Variants in VIPR1 observed in about 807,000 individuals in gnomAD.
The protein encoded by VIPR1 is vasoactive intestinal polypeptide receptor 1.
VIPR1 carries 59 observed loss-of-function variants against 58.8 expected under a neutral mutation model. That is an observed-to-expected ratio of 1.00 (90% CI 0.81 to 1.25). The LOEUF (loss-of-function observed/expected upper bound fraction) is 1.25, where lower values mean the gene tolerates loss of function less well. VIPR1 is among the 50% of genes most tolerant of loss of function. VIPR1 has a pLI of 0.00. For missense variants in VIPR1, 626 were observed against 602.7 expected, an observed-to-expected ratio of 1.04 and a Z score of -0.40; for synonymous variants, 251 against 242.1, an observed-to-expected ratio of 1.04 and a Z score of -0.34.
intron 2 of VIPR1, among the ~76,000 whole-genome samples, chr3:42,517,573 C>T (rs1397264254): frequency 6.6e-6 from 1 of 152,200 alleles, no homozygotes; most frequent in African/African-American, 2.4e-5. Context: ...AAGGCTGTGG[C>T]GGAGAATGCA....
Position 42,519,224 on chromosome 3 carries a change from C to T in VIPR1, c.186C>T (p.Gly62=). The change falls in exon 3 of 13, where the codon GGC becomes GGT. Residue 62 remains glycine (G), a splice_region_variant and synonymous_variant. Transcript: ENST00000325123. ...GTGTCTTCTGCCTTACCCCCATAGG[C>T]TGCAGCAAGATGTGGGACAACCTCA... ...EEAQLENETI[G]CSKMWDNLTC... is the part of the protein sequence containing the mutation. 1 of 1,607,002 alleles carries T rather than the reference C, an allele frequency of 6.2e-7. No individual in the cohort carries two copies. Among genetic ancestry groups the T allele is most frequent in the Non-Finnish European group, 8.5e-7 (1 of 1,176,826 alleles).
chr3:42,502,823 C>A lies in VIPR1; in HGVS notation c.78+10C>A. ...GGCCCTTGGGCCGGCGGTGAGTGTT[C>A]GCCCGGCCGCCCAGAGTCCCGGCAG... On this transcript the variant is annotated intron_variant, in intron 1 of 12. Transcript: ENST00000325123. 1 of 1,253,828 alleles carries A rather than the reference C, an allele frequency of 8.0e-7. No homozygotes were observed. Among genetic ancestry groups the A allele is most frequent in the South Asian group, 3.1e-5 (1 of 32,732 alleles). The allele number at this position is 1,253,828 out of a possible 1,614,324, so 77.7% of individuals were successfully genotyped here.
intron 1 of VIPR1, among the ~76,000 whole-genome samples, chr3:42,505,302 C>A (rs537830760): frequency 6.6e-6 from 1 of 152,356 alleles, no homozygotes; most frequent in East Asian, 1.9e-4. Context: ...CATAAAACAG[C>A]CTCTGTTGAC....
At chr3:42,528,145 C>T (rs779058881) in intron 6 of VIPR1, 22 bp downstream of exon 6, 2 of 1,610,104 alleles carry the variant, frequency 1.2e-6, no homozygotes, top group Admixed American at 1.7e-5. Flanking sequence ...GGCCCTGGCC[C>T]ACCTCCCTCA....
At chr3:42,492,202 T>A (rs1175016783) in intron 1 of VIPR1, 1 of 151,066 alleles carries the variant, frequency 6.6e-6, no homozygotes, top group African/African-American at 2.4e-5. Flanking sequence ...TCCTTCCTCA[T>A]CCCTCCTCCC....
chr3:42,512,543 C>T (rs1410655176), intron 1 of VIPR1, among the ~76,000 whole-genome samples: 1 of 152,132 alleles, frequency 6.6e-6, no homozygotes, highest in Non-Finnish European at 1.5e-5. Context: ...ATGTTCTTCC[C>T]ACGGACCCAC....
intron 10 of VIPR1, chr3:42,532,626 C>T (rs554531816): frequency 3.8e-6 from 2 of 522,332 alleles, no homozygotes; most frequent in African/African-American, 1.9e-5. Flanking sequence ...ACACCGATGA[C>T]CTGTGTCTTG....
intron 3 of VIPR1, among the ~76,000 whole-genome samples, chr3:42,524,930 G>A (rs1701145968): frequency 1.3e-5 from 2 of 152,150 alleles, no homozygotes; most frequent in Admixed American, 6.5e-5. Flanking sequence ...AAATTAAACA[G>A]GATGTGCCTA....
intron 3 of VIPR1, among the ~76,000 whole-genome samples, chr3:42,524,106 C>G (rs545438416): frequency 1.8e-4 from 28 of 152,244 alleles, no homozygotes; most frequent in Non-Finnish European, 4.0e-4. Flanking sequence ...TGAGCCACCG[C>G]ACCCAGCCCT....
Position 42,526,017 on chromosome 3 carries a change from T to A in VIPR1, c.399+24T>A, listed in dbSNP as rs780311390. The A allele has an allele frequency of 2.5e-6, 4 of 1,596,240 alleles. No individual in the cohort carries two copies. In the African/African-American group the frequency reaches 5.4e-5, roughly 21 times the overall value. On this transcript the variant is annotated intron_variant, in intron 4 of 12. Transcript: ENST00000325123. ...AGGTGGGTCTCAGGGCACCCCCACC[T>A]CACCTGCAGAGCGCCGGGGCCCACC...
At chr3:42,524,421 G>T (rs934568407) in intron 3 of VIPR1, among the ~76,000 whole-genome samples, 1 of 152,168 alleles carries the variant, frequency 6.6e-6, no homozygotes, top group Non-Finnish European at 1.5e-5. Flanking sequence ...CAGGAAACTG[G>T]CCCAGTCCAA....
chr3:42,522,105 T>A (rs58440634), intron 3 of VIPR1, among the ~76,000 whole-genome samples: 470 of 24,098 alleles, frequency 0.02, no homozygotes, highest in African/African-American at 0.061. Flanking sequence ...ATATATATTT[T>A]TTTTTTTTTT....
At chr3:42,504,439 C>G (rs553100508) in intron 1 of VIPR1, among the ~76,000 whole-genome samples, 1 of 152,248 alleles carries the variant, frequency 6.6e-6, no homozygotes, top group African/African-American at 2.4e-5. Context: ...CTCCAGACAG[C>G]CTTCCCTGAT....
chr3:42,492,829 A>G (rs1355807503), intron 1 of VIPR1, among the ~76,000 whole-genome samples: 1 of 152,192 alleles, frequency 6.6e-6, no homozygotes, highest in Non-Finnish European at 1.5e-5. Context: ...ACTGCAGGGT[A>G]CACAGGAGGC....
At chr3:42,525,040 G>A (rs1439131911) in intron 3 of VIPR1, among the ~76,000 whole-genome samples, 1 of 152,170 alleles carries the variant, frequency 6.6e-6, no homozygotes, top group Non-Finnish European at 1.5e-5. Context: ...TGGTGACTAT[G>A]GCGGTGGTGG....
intron 2 of VIPR1, among the ~76,000 whole-genome samples, chr3:42,515,683 C>T (rs1700588522): frequency 6.6e-6 from 1 of 152,228 alleles, no homozygotes; most frequent in Non-Finnish European, 1.5e-5. Flanking sequence ...GGGCTCTGTG[C>T]GTGTTCATGC....
chr3:42,510,901 G>T (rs114025516), intron 1 of VIPR1, among the ~76,000 whole-genome samples: 1 of 152,058 alleles, frequency 6.6e-6, no homozygotes, highest in Non-Finnish European at 1.5e-5. Context: ...TCAGAGAGTC[G>T]CAAGCAGAAG....
chr3:42,535,242 T>C (rs1422923253), intron 11 of VIPR1, 101 bp from the exon 12 acceptor site: 2 of 1,600,204 alleles, frequency 1.2e-6, no homozygotes, highest in Non-Finnish European at 1.7e-6. Flanking sequence ...TGCTTAGCTC[T>C]TTCCTTAACC....
rs550829636 is a variant in VIPR1 at position 42,528,043 on chromosome 3, A to T, written c.556A>T (p.Ile186Phe). ...YIHMHLFISF[I>F]LRAAAVFIKD... ...CCACATGCACCTCTTCATATCCTTC[A>T]TCCTGAGGGCTGCCGCTGTCTTCAT... is the stretch of plus-strand genomic sequence containing the variant. Residue 186 changes from isoleucine (I) to phenylalanine (F), a missense_variant, in exon 6 of 13, where the codon ATC (isoleucine) becomes TTC (phenylalanine). Ile to Phe is a conservative substitution (Grantham distance 21). Transcript: ENST00000325123. The T allele has an allele frequency of 7.4e-6, 12 of 1,613,930 alleles. No homozygotes were observed. The African/African-American group carries it at 1.5e-4, about 20-fold the overall frequency.
Sources: allele counts gnomAD v4.1 joint callset (sites outside exome capture counted in the v4.1 genomes callset), GRCh38; gene constraint gnomAD v4.1.1; transcripts MANE v1.5; gene names NCBI Gene and HGNC (gene_info 2026-07-23, HGNC 2026-07-21).